The following PARD3B variants were observed in gnomAD, a reference collection of about 807,000 sequenced individuals.
PARD3B encodes partitioning defective 3 homolog B.
A neutral mutation model predicts 130.2 loss-of-function variants in PARD3B; 103 were observed. That is an observed-to-expected ratio of 0.79 (90% CI 0.67 to 0.93). The LOEUF (loss-of-function observed/expected upper bound fraction) is 0.93, where lower values mean the gene tolerates loss of function less well. PARD3B is among the 40% of genes least tolerant of loss of function. The pLI is 0.00. For synonymous variants in PARD3B, 583 were observed against 553.2 expected (o/e 1.05, Z -0.76); for missense variants, 1,609 against 1,499.2 (o/e 1.07, Z -1.21).
chr2:204,728,163 AGTTT>A (rs1332099255), intron 2 of PARD3B, among the ~76,000 whole-genome samples: 1 of 152,192 alleles, frequency 6.6e-6, no homozygotes, highest in Non-Finnish European at 1.5e-5. Flanking sequence ...GTGAAGAGGC[AGTTT>A]GTTCAATGAG....
At chr2:205,378,495 A>G (rs775668469) in intron 18 of PARD3B, among the ~76,000 whole-genome samples, 1 of 152,182 alleles carries the variant, frequency 6.6e-6, no homozygotes, top group Non-Finnish European at 1.5e-5. Context: ...TTACATTCAG[A>G]ATAGAAAAGC....
In PARD3B at chr2:205,563,776, A is replaced by G. The variant is rs2053223527; in HGVS notation, c.3260+10373A>G. Among the ~76,000 whole-genome samples, 1 of 152,218 alleles carries G rather than the reference A, an allele frequency of 6.6e-6. No homozygotes were observed. Among genetic ancestry groups the G allele is most frequent in the Non-Finnish European group, 1.5e-5 (1 of 68,036 alleles). On this transcript the variant is annotated intron_variant, in intron 22 of 22. Transcript: ENST00000406610. This position sits in a 1 kb window ranked among gnomAD's most constrained non-coding sequence, Gnocchi z 4.2. ...TAAGTTTTCCCAAAGTAGAAACAAG[A>G]TACCTGCCTTTTCCTTACAATTACC...
At position 205,564,882 on chromosome 2, in the gene PARD3B, C is replaced by T. The variant is rs567256219; in HGVS notation, c.3260+11479C>T. ...GTGTTCCTGCTTCTATTCCAAGTCT[C>T]TCATTAAGCCTAGACAGAAGTGACC... On this transcript the variant is annotated intron_variant, in intron 22 of 22. Coordinates refer to ENST00000406610, the MANE Select transcript of PARD3B (RefSeq NM_001302769.2). The surrounding 1 kb of genome is among the most constrained non-coding windows in gnomAD (Gnocchi z 4.6). Among the ~76,000 whole-genome samples, 1 of 152,304 alleles carries T rather than the reference C, an allele frequency of 6.6e-6. No homozygotes were observed. The highest frequency in any genetic ancestry group is 1.9e-4 in the East Asian group (1 of 5,184).
At chr2:204,587,821 G>C (rs2032894153) in intron 1 of PARD3B, among the ~76,000 whole-genome samples, 1 of 152,106 alleles carries the variant, frequency 6.6e-6, no homozygotes, top group African/African-American at 2.4e-5. Flanking sequence ...GAATCATGGC[G>C]GTAGTTACCT....
At chr2:205,602,244 T>C (rs2054815505) in intron 22 of PARD3B, among the ~76,000 whole-genome samples, 1 of 152,252 alleles carries the variant, frequency 6.6e-6, no homozygotes, top group African/African-American at 2.4e-5. Context: ...TTGTGGTGCA[T>C]AAGCTTTTTG....
intron 21 of PARD3B, among the ~76,000 whole-genome samples, chr2:205,543,373 T>G (rs1430692750): frequency 6.6e-6 from 1 of 152,214 alleles, no homozygotes; most frequent in Non-Finnish European, 1.5e-5. Context: ...TAAATATTAC[T>G]AGGCCTTTGG....
At chr2:204,997,589 C>T in intron 3 of PARD3B, among the ~76,000 whole-genome samples, 2 of 150,516 alleles carry the variant, frequency 1.3e-5, no homozygotes, top group African/African-American at 2.5e-5. Context: ...AGAAAGTATT[C>T]TTTAGACTTT....
chr2:204,921,817 T>C (rs1480399017), intron 2 of PARD3B, among the ~76,000 whole-genome samples: 1 of 152,072 alleles, frequency 6.6e-6, no homozygotes, highest in African/African-American at 2.4e-5. Context: ...TAGGGGACTA[T>C]TGCAATAAGT....
chr2:204,556,648 A>G (rs1272109725), intron 1 of PARD3B, among the ~76,000 whole-genome samples: 1 of 152,084 alleles, frequency 6.6e-6, no homozygotes, highest in Non-Finnish European at 1.5e-5. Context: ...ACTAATTTGG[A>G]CCAGATGCTG....
Position 204,640,803 on chromosome 2 carries a change from A to C in PARD3B, c.121-45378A>C, listed in dbSNP as rs1179107817. ...GTAAATATTTATTAAGTATCCAGAAAGCATGAGGCACTGTTCTTGGTGTAC... is the reference window on the plus strand; with the variant it reads ...GTAAATATTTATTAAGTATCCAGAACGCATGAGGCACTGTTCTTGGTGTAC... On this transcript the variant is annotated intron_variant, in intron 1 of 22. Coordinates refer to ENST00000406610, the MANE Select transcript of PARD3B (RefSeq NM_001302769.2). Among the ~76,000 whole-genome samples the C allele has an allele frequency of 8.6e-5, 13 of 151,958 alleles. No homozygotes were observed. In the East Asian group the frequency reaches 2.5e-3, roughly 29 times the overall value.
intron 18 of PARD3B, among the ~76,000 whole-genome samples, chr2:205,303,318 A>G (rs2042077818): frequency 6.6e-6 from 1 of 152,174 alleles, no homozygotes; most frequent in Non-Finnish European, 1.5e-5. Context: ...GCCATCAAGG[A>G]ATCTTTGTGG....
intron 2 of PARD3B, among the ~76,000 whole-genome samples, chr2:204,770,638 C>T (rs764731901): frequency 7.9e-5 from 12 of 152,012 alleles, no homozygotes; most frequent in South Asian, 4.2e-4. Context: ...GGCAGATCTG[C>T]GATGCATGAT....
intron 4 of PARD3B, among the ~76,000 whole-genome samples, chr2:205,072,395 C>T (rs551105586): frequency 1.1e-4 from 16 of 152,124 alleles, no homozygotes; most frequent in Admixed American, 6.5e-4. Flanking sequence ...GGATTACAGG[C>T]GTGCGCCACC....
intron 21 of PARD3B, among the ~76,000 whole-genome samples, chr2:205,541,194 G>A (rs1236020160): frequency 2.0e-5 from 3 of 152,102 alleles, no homozygotes; most frequent in Non-Finnish European, 2.9e-5. Context: ...CTAAGATTTA[G>A]AGTAGACTGC....
At chr2:205,358,729 C>G (rs1003146777) in intron 18 of PARD3B, among the ~76,000 whole-genome samples, 6 of 152,178 alleles carry the variant, frequency 3.9e-5, no homozygotes, top group African/African-American at 1.4e-4. Flanking sequence ...TTCCCACCCC[C>G]GTCTTTTGAA....
At chr2:205,022,810 T>C (rs1223938437) in intron 3 of PARD3B, among the ~76,000 whole-genome samples, 1 of 152,124 alleles carries the variant, frequency 6.6e-6, no homozygotes. Context: ...CCCCCCTTAC[T>C]CCACAGGTCG....
At chr2:204,883,573 A>G (rs190693791) in intron 2 of PARD3B, among the ~76,000 whole-genome samples, 11,796 of 148,510 alleles carry the variant, frequency 0.079, 587 homozygotes, top group African/African-American at 0.13. Context: ...TCAGCCTCAC[A>G]AATAGCTGGG....
At chr2:204,555,267 A>G (rs2030841258) in intron 1 of PARD3B, among the ~76,000 whole-genome samples, 1 of 152,026 alleles carries the variant, frequency 6.6e-6, no homozygotes, top group African/African-American at 2.4e-5. Flanking sequence ...AATAAATTAT[A>G]TCCATGAAGG....
Position 205,162,714 on chromosome 2 carries a change from A to C in PARD3B, c.1620+3807A>C, listed in dbSNP as rs2034573510. On this transcript the variant is annotated intron_variant, in intron 11 of 22. Transcript: ENST00000406610. ...GGTAGTGCTGTTGCTGTTCAATAAAAAGAAGTATCAGCTCTGTTGCAGTTA... is the reference window on the plus strand; with the variant it reads ...GGTAGTGCTGTTGCTGTTCAATAAACAGAAGTATCAGCTCTGTTGCAGTTA... 2.0e-5 allele frequency among the ~76,000 whole-genome samples: 3 copies of C among 152,220 alleles called. No individual in the cohort carries two copies. The South Asian group carries it at 6.2e-4, about 32-fold the overall frequency.
Sources: allele counts gnomAD v4.1 joint callset (sites outside exome capture counted in the v4.1 genomes callset), GRCh38; gene constraint gnomAD v4.1.1; non-coding constraint Gnocchi (gnomAD v3.1); transcripts MANE v1.5; gene names NCBI Gene and HGNC (gene_info 2026-07-23, HGNC 2026-07-21).